The following PPARGC1A variants were observed in gnomAD, a reference collection of about 807,000 sequenced individuals.
The protein encoded by PPARGC1A is PPARG coactivator 1 alpha.
In PPARGC1A, 25 loss-of-function variants were observed where a neutral mutation model predicts 88.7. That is an observed-to-expected ratio of 0.28 (90% CI 0.21 to 0.39). The LOEUF (loss-of-function observed/expected upper bound fraction) is 0.39. PPARGC1A is among the 10% of genes least tolerant of loss of function. The probability of loss-of-function intolerance (pLI) is 1.00; values close to 1 mark genes in which losing one functional copy is unlikely to be tolerated. For synonymous variants in PPARGC1A, 363 were observed against 355.6 expected (o/e 1.02, Z -0.24); for missense variants, 880 against 968.7 (o/e 0.91, Z 1.22).
chr4:24,396,830 A>C, the PPARGC1A span, among the ~76,000 whole-genome samples: 2 of 152,088 alleles, frequency 1.3e-5, no homozygotes, highest in South Asian at 4.1e-4. Context: ...CAACTAAAAC[A>C]CTAAAGAAGT....
chr4:24,173,481 G>A, the PPARGC1A span, among the ~76,000 whole-genome samples: 4 of 152,102 alleles, frequency 2.6e-5, no homozygotes, highest in African/African-American at 7.2e-5. Context: ...AGAATCACTG[G>A]AGCCCAAAAG....
chr4:24,327,533 T>G, the PPARGC1A span, among the ~76,000 whole-genome samples: 2 of 152,166 alleles, frequency 1.3e-5, no homozygotes, highest in Non-Finnish European at 2.9e-5. Context: ...TCTCCTTCTC[T>G]TATTCCATTT....
intron 11 of PPARGC1A, 134 bp from the exon 12 acceptor site, chr4:23,802,015 T>C: frequency 1.5e-6 from 2 of 1,302,852 alleles, no homozygotes; most frequent in Non-Finnish European, 2.1e-6. Context: ...GTGATTGTCC[T>C]GTCAAGCAGC....
the PPARGC1A span, among the ~76,000 whole-genome samples, chr4:24,264,603 T>C: frequency 2.0e-4 from 30 of 152,374 alleles, no homozygotes; most frequent in East Asian, 5.0e-3. Context: ...AGAACCTTCA[T>C]TGGCAACATG....
chr4:24,148,955 A>T, the PPARGC1A span, among the ~76,000 whole-genome samples: 1 of 152,214 alleles, frequency 6.6e-6, no homozygotes, highest in Admixed American at 6.5e-5. Context: ...TTATCTGTCA[A>T]AACTCCAACA....
At chr4:23,984,870 C>G in the PPARGC1A span, among the ~76,000 whole-genome samples, 1 of 152,052 alleles carries the variant, frequency 6.6e-6, no homozygotes, top group Non-Finnish European at 1.5e-5. Flanking sequence ...CCTACACTGG[C>G]CAGTGGTCAG....
At chr4:24,143,921 T>C in the PPARGC1A span, among the ~76,000 whole-genome samples, 1 of 152,216 alleles carries the variant, frequency 6.6e-6, no homozygotes. Flanking sequence ...TGCTTCAAGC[T>C]TGAAGCAAAA....
the PPARGC1A span, among the ~76,000 whole-genome samples, chr4:24,059,923 C>T: frequency 1.1e-4 from 17 of 152,170 alleles, no homozygotes; most frequent in Non-Finnish European, 2.1e-4. Flanking sequence ...CTGATTGCGC[C>T]GTCTCTGCTC....
the PPARGC1A span, among the ~76,000 whole-genome samples, chr4:24,009,150 A>AAAG: frequency 8.3e-4 from 66 of 79,808 alleles, 3 homozygotes; most frequent in Middle Eastern, 0.039. Context: ...AAAAAAAAAA[A>AAAG]AGAGAGAGAA....
At chr4:23,942,178 A>G in the PPARGC1A span, among the ~76,000 whole-genome samples, 4 of 152,172 alleles carry the variant, frequency 2.6e-5, no homozygotes, top group Non-Finnish European at 5.9e-5. Context: ...CAATCCATGC[A>G]TGTTCTAAAA....
chr4:24,357,402 G>A, the PPARGC1A span, among the ~76,000 whole-genome samples: 8 of 151,952 alleles, frequency 5.3e-5, no homozygotes, highest in South Asian at 2.1e-4. Flanking sequence ...TTTGTCATCC[G>A]TTATCTGGCA....
At chr4:24,111,098 T>C in the PPARGC1A span, among the ~76,000 whole-genome samples, 1 of 152,346 alleles carries the variant, frequency 6.6e-6, no homozygotes, top group Middle Eastern at 3.4e-3. Context: ...TCACACATCT[T>C]GCATTGCCCT....
At chr4:24,442,395 A>T in the PPARGC1A span, among the ~76,000 whole-genome samples, 9 of 152,318 alleles carry the variant, frequency 5.9e-5, 1 homozygote, top group South Asian at 1.4e-3. Flanking sequence ...TTTATTTTTT[A>T]AAAAATGTGG....
chr4:24,107,916 A>G, the PPARGC1A span, among the ~76,000 whole-genome samples: 1 of 152,206 alleles, frequency 6.6e-6, no homozygotes, highest in Non-Finnish European at 1.5e-5. Context: ...TGAAAAATTT[A>G]TTAGGTTTGC....
the PPARGC1A span, among the ~76,000 whole-genome samples, chr4:23,910,119 G>GTA: frequency 1.6e-5 from 2 of 126,016 alleles, no homozygotes; most frequent in African/African-American, 6.0e-5. Context: ...ATATGTGTGT[G>GTA]TATATATATA....
the PPARGC1A span, among the ~76,000 whole-genome samples, chr4:24,327,699 C>T: frequency 2.0e-5 from 3 of 151,896 alleles, no homozygotes; most frequent in Non-Finnish European, 2.9e-5. Flanking sequence ...CCCCTAATCC[C>T]GCTTGAAGCA....
chr4:24,186,153 G>T, the PPARGC1A span, among the ~76,000 whole-genome samples: 2 of 152,098 alleles, frequency 1.3e-5, no homozygotes, highest in African/African-American at 4.8e-5. Context: ...CCTTGTGTGG[G>T]GCACAGAGAG....
At chr4:23,909,430 T>C in the PPARGC1A span, among the ~76,000 whole-genome samples, 2 of 152,066 alleles carry the variant, frequency 1.3e-5, no homozygotes, top group African/African-American at 4.8e-5. Flanking sequence ...TGTACAGATA[T>C]AGGAAAATAG....
the PPARGC1A span, among the ~76,000 whole-genome samples, chr4:24,463,157 G>T: frequency 1.3e-5 from 2 of 152,040 alleles, no homozygotes; most frequent in African/African-American, 4.8e-5. Flanking sequence ...TTTGTTTCAG[G>T]ACTAAATCGT....
Sources: allele counts gnomAD v4.1 joint callset (sites outside exome capture counted in the v4.1 genomes callset), GRCh38; gene constraint gnomAD v4.1.1; transcripts MANE v1.5; gene names NCBI Gene and HGNC (gene_info 2026-07-23, HGNC 2026-07-21).